CCR3: variants seen among roughly 807,000 people sequenced by gnomAD.
The protein encoded by CCR3 is C-C motif chemokine receptor 3.
For synonymous variants in CCR3, 203 were observed against 179.2 expected (o/e 1.13, Z -1.06); for missense variants, 419 against 437.5 (o/e 0.96, Z 0.38).
At chr3:46,247,492 G>A (rs950769062) in intron 1 of CCR3, among the ~76,000 whole-genome samples, 3 of 152,160 alleles carry the variant, frequency 2.0e-5, no homozygotes, top group African/African-American at 7.2e-5. Context: ...TTGGTGAGGT[G>A]TGTTTTTAAA....
intron 1 of CCR3, among the ~76,000 whole-genome samples, chr3:46,251,526 C>G (rs1700311794): frequency 1.3e-5 from 2 of 152,098 alleles, no homozygotes; most frequent in South Asian, 2.1e-4. Context: ...GTAGGTGGAT[C>G]TTTCTCACGG....
chr3:46,259,463 A>T (rs1226150576), intron 1 of CCR3, among the ~76,000 whole-genome samples: 1 of 152,228 alleles, frequency 6.6e-6, no homozygotes, highest in Non-Finnish European at 1.5e-5. Flanking sequence ...CATGGCTGGT[A>T]AAATTATACC....
chr3:46,215,315 A>C (rs1180675204), intron 2 of CCR3, among the ~76,000 whole-genome samples: 4 of 152,188 alleles, frequency 2.6e-5, no homozygotes, highest in Non-Finnish European at 4.4e-5. Flanking sequence ...AGTGTTATGC[A>C]AGGTGAGGTA....
intron 1 of CCR3, chr3:46,264,751 G>A: frequency 2.6e-6 from 1 of 390,566 alleles, no homozygotes; most frequent in East Asian, 5.4e-5. Context: ...TAAGGTATAT[G>A]TAAACTGTAA....
intron 1 of CCR3, among the ~76,000 whole-genome samples, chr3:46,260,477 G>A (rs1007499114): frequency 6.6e-6 from 1 of 152,190 alleles, no homozygotes; most frequent in African/African-American, 2.4e-5. Flanking sequence ...GGTAAATACA[G>A]CCATTCTAAA....
intron 2 of CCR3, among the ~76,000 whole-genome samples, chr3:46,219,893 G>T (rs1236872556): frequency 6.6e-6 from 1 of 152,142 alleles, no homozygotes; most frequent in Non-Finnish European, 1.5e-5. Flanking sequence ...AAGTCTAGAA[G>T]ATAACATCAG....
chr3:46,221,021 C>A (rs1242685888), intron 2 of CCR3, among the ~76,000 whole-genome samples: 1 of 152,124 alleles, frequency 6.6e-6, no homozygotes, highest in Non-Finnish European at 1.5e-5. Flanking sequence ...TAAAATGATG[C>A]ACATGAAGAA....
Position 46,266,235 on chromosome 3 carries a change from C to T in CCR3, c.*9C>T. 2 of 1,567,986 alleles carry T rather than the reference C, an allele frequency of 1.3e-6. No homozygotes were observed. Among genetic ancestry groups the T allele is most frequent in the Admixed American group, 1.7e-5 (1 of 58,306 alleles). ...TCTCTATTGTGTTTTAGGTCAGATG[C>T]AGAAAATTGCCTAAAGAGGAAGGAC... is the stretch of plus-strand genomic sequence containing the variant. On this transcript the variant is annotated 3_prime_UTR_variant, in exon 2 of 2. Transcript: ENST00000395940.
At chr3:46,222,689 CT>C (rs1271374859) in intron 2 of CCR3, among the ~76,000 whole-genome samples, 1 of 152,202 alleles carries the variant, frequency 6.6e-6, no homozygotes, top group Non-Finnish European at 1.5e-5. Context: ...TGGCACAGCC[CT>C]CAGATGCCAG....
chr3:46,245,319 C>T (rs1700169224), intron 1 of CCR3, among the ~76,000 whole-genome samples: 2 of 149,582 alleles, frequency 1.3e-5, no homozygotes, highest in Admixed American at 1.3e-4. Context: ...AAGTTCTTCC[C>T]CATGTGTGGA....
chr3:46,244,660 A>T (rs1033455328), intron 1 of CCR3, among the ~76,000 whole-genome samples: 1 of 152,152 alleles, frequency 6.6e-6, no homozygotes, highest in Non-Finnish European at 1.5e-5. Context: ...TAAGGCAAGG[A>T]CCAGCCATTT....
rs368403514 is a variant in CCR3 at position 46,253,402 on chromosome 3, T to C, written c.-12+10864T>C. On this transcript the variant is annotated intron_variant, in intron 1 of 1. Coordinates refer to ENST00000395940, the MANE Select transcript of CCR3 (RefSeq NM_178329.3). Reference sequence around the variant, plus strand: ...CATCTGCCCAGCCAGTATCATACTCTCTCCCCTCCCCAAAGTGGATTTTCT... The same window carrying C: ...CATCTGCCCAGCCAGTATCATACTCCCTCCCCTCCCCAAAGTGGATTTTCT... Among the ~76,000 whole-genome samples the C allele has an allele frequency of 3.8e-4, 58 of 152,272 alleles. No homozygotes were observed. The South Asian group carries it at 0.011, about 29-fold the overall frequency.
At chr3:46,224,966 TAA>T (rs1699877825) in intron 2 of CCR3, among the ~76,000 whole-genome samples, 1 of 152,172 alleles carries the variant, frequency 6.6e-6, no homozygotes, top group African/African-American at 2.4e-5. Context: ...GAAGTGCACA[TAA>T]ACCCAAAAGA....
rs202200691 is a variant in CCR3, at chr3:46,266,083, C to T, written c.925C>T (p.Arg309Trp). The T allele has an allele frequency of 1.5e-5, 25 of 1,613,826 alleles. No homozygotes were observed. Among genetic ancestry groups the T allele is most frequent in the South Asian group, 6.6e-5 (6 of 91,078 alleles). ...CTACGCCTTTGTTGGAGAGAGGTTC[C>T]GGAAGTACCTGCGCCACTTCTTCCA... ...VIYAFVGERF[R>W]KYLRHFFHRH... Residue 309 changes from arginine to tryptophan, a missense_variant, in exon 2 of 2, where the codon CGG (arginine) becomes TGG (tryptophan). By Grantham distance (101) the Arg-to-Trp change is moderately radical (BLOSUM62 -3). Transcript: ENST00000395940.
At chr3:46,244,485 A>C (rs1269502713) in intron 1 of CCR3, among the ~76,000 whole-genome samples, 1 of 152,174 alleles carries the variant, frequency 6.6e-6, no homozygotes, top group Non-Finnish European at 1.5e-5. Context: ...AAGGGAGATA[A>C]GGGTGGGGCC....
chr3:46,239,175 A>T (rs1700052893), upstream of CCR3, among the ~76,000 whole-genome samples: 1 of 152,216 alleles, frequency 6.6e-6, no homozygotes, highest in Non-Finnish European at 1.5e-5. Context: ...GCCAGAAAAA[A>T]ATGCTGTCCC....
intron 1 of CCR3, among the ~76,000 whole-genome samples, chr3:46,260,408 A>C (rs1304544823): frequency 6.6e-6 from 1 of 152,212 alleles, no homozygotes; most frequent in Non-Finnish European, 1.5e-5. Flanking sequence ...CTGCCTATGA[A>C]CTTGTAAAAT....
In CCR3 at chr3:46,266,037, C is replaced by G. The variant is rs764246819; in HGVS notation, c.879C>G (p.His293Gln). 1 of 1,614,094 alleles carries G rather than the reference C, an allele frequency of 6.2e-7. No homozygotes were observed. Among genetic ancestry groups the G allele is most frequent in the South Asian group, 1.1e-5 (1 of 91,078 alleles). The change falls in exon 2 of 2, where the codon CAC becomes CAG. Residue 293 changes from histidine (H) to glutamine (Q), a missense_variant. His to Gln is a conservative substitution (Grantham distance 24, BLOSUM62 0). Coordinates refer to ENST00000395940, the MANE Select transcript of CCR3 (RefSeq NM_178329.3). The stretch of plus-strand genomic sequence containing the variant: ...TGACAGAGGTGATCGCCTACTCCCA[C>G]TGCTGCATGAACCCGGTGATCTACG... ...MLVTEVIAYS[H>Q]CCMNPVIYAF... is the part of the protein sequence containing the mutation.
upstream of CCR3, among the ~76,000 whole-genome samples, chr3:46,238,300 T>C (rs1394156611): frequency 3.3e-5 from 5 of 152,208 alleles, no homozygotes; most frequent in Admixed American, 6.5e-5. Context: ...TTGTATCTCA[T>C]TGCAATTTTA....
Sources: gnomAD v4.1 joint callset for allele counts (sites outside exome capture counted in the v4.1 genomes callset) on GRCh38, gnomAD v4.1.1 for gene constraint, MANE v1.5 for transcripts, NCBI Gene and HGNC (gene_info 2026-07-23, HGNC 2026-07-21) for gene names.